PCDH15: variants seen among roughly 807,000 people sequenced by gnomAD.
The protein encoded by PCDH15 is protocadherin related 15.
Under a neutral mutation model 178.5 loss-of-function variants are expected in PCDH15, and 129 were observed. That is an observed-to-expected ratio of 0.72 (90% confidence interval 0.63 to 0.84). The LOEUF (loss-of-function observed/expected upper bound fraction) is 0.84, where lower values mean the gene tolerates loss of function less well. Ranked by LOEUF, PCDH15 falls within the 40% of genes least tolerant of loss-of-function variation. PCDH15 has a pLI of 0.00. For synonymous variants in PCDH15, 800 were observed against 732.0 expected, an observed-to-expected ratio of 1.09 and a Z score of -1.50; for missense variants, 2,230 against 2,099.9, an observed-to-expected ratio of 1.06 and a Z score of -1.21.
chr10:55,441,669 A>G (rs554411667), intron 2 of PCDH15, among the ~76,000 whole-genome samples: 2 of 152,308 alleles, frequency 1.3e-5, no homozygotes, highest in East Asian at 3.9e-4. Flanking sequence ...ACAACATTTT[A>G]AGAAGCACAG....
At chr10:53,812,603 T>G (rs1345830576) in intron 35 of PCDH15, among the ~76,000 whole-genome samples, 3 of 152,188 alleles carry the variant, frequency 2.0e-5, no homozygotes, top group Non-Finnish European at 2.9e-5. Flanking sequence ...ACATACTGAT[T>G]GATTTCTGTC....
chr10:54,433,995 G>C (rs1016385718), intron 3 of PCDH15, among the ~76,000 whole-genome samples: 1 of 152,158 alleles, frequency 6.6e-6, no homozygotes, highest in Admixed American at 6.5e-5. Context: ...AGACGTGGAC[G>C]TGGAAGACAG....
intron 3 of PCDH15, among the ~76,000 whole-genome samples, chr10:54,387,271 C>T (rs1935467): frequency 0.86 from 130,082 of 152,100 alleles, 55,854 homozygotes; most frequent in East Asian, 0.99. Context: ...GAGGTACTTA[C>T]ATACCCATGT....
intron 2 of PCDH15, among the ~76,000 whole-genome samples, chr10:55,499,275 A>T (rs115325356): frequency 0.018 from 2,663 of 151,932 alleles, 90 homozygotes; most frequent in African/African-American, 0.061. Flanking sequence ...GAAAACTAAT[A>T]CAATTTTCAT....
chr10:55,465,404 T>G (rs1026421250), intron 2 of PCDH15, among the ~76,000 whole-genome samples: 1 of 152,124 alleles, frequency 6.6e-6, no homozygotes, highest in African/African-American at 2.4e-5. Context: ...TACTGGAGAT[T>G]AGCCAGAGAG....
At chr10:55,563,367 T>A (rs930072007) in intron 2 of PCDH15, among the ~76,000 whole-genome samples, 1 of 151,676 alleles carries the variant, frequency 6.6e-6, no homozygotes, top group Admixed American at 6.6e-5. Context: ...AATTAGAAAG[T>A]TTCAGTGTAT....
At chr10:54,394,322 TTC>T (rs1479797074) in intron 3 of PCDH15, among the ~76,000 whole-genome samples, 1 of 152,086 alleles carries the variant, frequency 6.6e-6, no homozygotes, top group Non-Finnish European at 1.5e-5. Context: ...GTAGGTTCTT[TTC>T]TGTTTTTCCT....
rs182165626 is a variant in PCDH15, at chr10:54,300,708, C to T, written c.876+16563G>A. On this transcript the variant is annotated intron_variant, in intron 8 of 37. Coordinates refer to ENST00000644397, the MANE Select transcript of PCDH15 (RefSeq NM_001384140.1). ...AAAGGATTGTAAATTCACCAATCAG[C>T]GCTCTGTGTCTAGCTAAAGGATTGT... Among the ~76,000 whole-genome samples the T allele has an allele frequency of 2.2e-3, 335 of 152,182 alleles. 2 individuals are homozygous for T. The highest frequency in any genetic ancestry group is 2.7e-3 in the Admixed American group (41 of 15,274).
chr10:54,678,071 G>A (rs914131162), intron 1 of PCDH15, among the ~76,000 whole-genome samples: 1 of 152,140 alleles, frequency 6.6e-6, no homozygotes, highest in African/African-American at 2.4e-5. Flanking sequence ...GGAAATTTTA[G>A]AACTGCTGTT....
intron 6 of PCDH15, among the ~76,000 whole-genome samples, chr10:54,337,977 A>G (rs1299934762): frequency 6.6e-6 from 1 of 152,184 alleles, no homozygotes; most frequent in Non-Finnish European, 1.5e-5. Flanking sequence ...CTTTCGTCCA[A>G]ATTCCTTTCC....
intron 18 of PCDH15, among the ~76,000 whole-genome samples, chr10:54,046,126 T>A (rs1590097744): frequency 1.3e-5 from 2 of 152,128 alleles, no homozygotes; most frequent in East Asian, 3.9e-4. Flanking sequence ...CTAATCACGA[T>A]CATAATGCGA....
intron 32 of PCDH15, among the ~76,000 whole-genome samples, chr10:53,823,992 T>C (rs966293748): frequency 2.0e-5 from 3 of 152,186 alleles, no homozygotes; most frequent in Non-Finnish European, 2.9e-5. Flanking sequence ...TTGTGCTTAA[T>C]TAGTTTTAAA....
intron 1 of PCDH15, among the ~76,000 whole-genome samples, chr10:55,238,386 G>A (rs1439156199): frequency 6.6e-6 from 1 of 151,862 alleles, no homozygotes; most frequent in Non-Finnish European, 1.5e-5. Context: ...TCCTGACCTC[G>A]TGATCCGCCC....
intron 21 of PCDH15, among the ~76,000 whole-genome samples, chr10:53,967,994 C>T (rs956044519): frequency 1.3e-4 from 20 of 152,220 alleles, no homozygotes; most frequent in African/African-American, 4.3e-4. Context: ...ACTGAGGTAC[C>T]GGGTTCATCT....
At chr10:55,471,897 G>A (rs890668524) in intron 2 of PCDH15, among the ~76,000 whole-genome samples, 21 of 152,054 alleles carry the variant, frequency 1.4e-4, no homozygotes, top group Admixed American at 3.9e-4. Context: ...CATTTCAAAT[G>A]AGCCAAACTA....
intron 18 of PCDH15, among the ~76,000 whole-genome samples, chr10:54,043,209 C>A (rs1371604526): frequency 6.6e-6 from 1 of 151,988 alleles, no homozygotes. Flanking sequence ...CTAAATATAA[C>A]AAAGGTGTTG....
chr10:55,116,087 G>T (rs1837622211), intron 2 of PCDH15, among the ~76,000 whole-genome samples: 1 of 152,030 alleles, frequency 6.6e-6, no homozygotes, highest in Non-Finnish European at 1.5e-5. Context: ...GGGATTTGTT[G>T]GTCAGGACCA....
chr10:54,111,000 G>A (rs10509005), intron 15 of PCDH15, among the ~76,000 whole-genome samples: 36,947 of 151,962 alleles, frequency 0.24, 5,752 homozygotes, highest in East Asian at 0.86. Flanking sequence ...ACACCATAGG[G>A]ACTTTGCAGG....
chr10:55,134,369 T>C (rs1838135039), intron 2 of PCDH15, among the ~76,000 whole-genome samples: 1 of 152,216 alleles, frequency 6.6e-6, no homozygotes, highest in East Asian at 1.9e-4. Flanking sequence ...CCTTCACTCC[T>C]CTTCTACCCA....
Sources: allele counts gnomAD v4.1 joint callset (sites outside exome capture counted in the v4.1 genomes callset), GRCh38; gene constraint gnomAD v4.1.1; transcripts MANE v1.5; gene names NCBI Gene and HGNC (gene_info 2026-07-23, HGNC 2026-07-21).